Variants in SIGLEC1 observed in about 807,000 individuals in gnomAD.
SIGLEC1 encodes the protein sialoadhesin.
In SIGLEC1, 132 loss-of-function variants were observed where a neutral mutation model predicts 148.0. That is an observed-to-expected ratio of 0.89 (90% CI 0.77 to 1.03). The LOEUF (loss-of-function observed/expected upper bound fraction) is 1.03. SIGLEC1 is among the 50% of genes least tolerant of loss of function. The pLI is 0.00. For synonymous variants in SIGLEC1, 945 were observed against 969.0 expected (o/e 0.98, Z 0.46); for missense variants, 2,253 against 2,271.4 (o/e 0.99, Z 0.16).
In SIGLEC1 at chr20:3,692,759, G is replaced by A; in HGVS notation, c.3792C>T (p.Ile1264=). 6.2e-7 allele frequency: 1 copy of A among 1,610,636 alleles called. No individual in the cohort carries two copies. Among genetic ancestry groups the A allele is most frequent in the South Asian group, 1.1e-5 (1 of 91,036 alleles). Residue 1264 remains isoleucine (I), a synonymous_variant, in exon 16 of 22, where the codon ATC becomes ATT. Transcript: ENST00000344754. ...LELRLEGVRV[I]LAPEAAVPEG... ...CAGGCACGGCAGCCTCCGGAGCCAG[G>A]ATCACCCGCACACCTGTGCCAAGGA...
intron 17 of SIGLEC1, 86 bp from the exon 18 acceptor site, chr20:3,691,686 C>T: frequency 1.3e-6 from 2 of 1,514,482 alleles, no homozygotes; most frequent in South Asian, 2.5e-5. Context: ...GGGGCCTCTG[C>T]ACATTGTGGG....
chr20:3,689,725 G>C (rs758663506), intron 19 of SIGLEC1, 23 bp from the exon 20 acceptor site: 8 of 1,548,400 alleles, frequency 5.2e-6, no homozygotes, highest in Non-Finnish European at 6.1e-6. Flanking sequence ...GCGGGACTCA[G>C]AGCAGCCACA....
chr20:3,705,088 C>T (rs540426960), intron 4 of SIGLEC1, among the ~76,000 whole-genome samples: 1 of 152,334 alleles, frequency 6.6e-6, no homozygotes, highest in African/African-American at 2.4e-5. Context: ...ACTCCACCCC[C>T]GGGGTTCAAG....
intron 19 of SIGLEC1, 87 bp downstream of exon 19, chr20:3,689,875 A>G: frequency 8.0e-7 from 1 of 1,251,310 alleles, no homozygotes; most frequent in East Asian, 2.5e-5. Flanking sequence ...ATGCTGCAGC[A>G]GGAGGGATAC....
At position 3,696,788 on chromosome 20, in the gene SIGLEC1, C is replaced by T. The variant is rs2087804682; in HGVS notation, c.2481G>A (p.Leu827=). Residue 827 remains leucine, a synonymous_variant, in exon 11 of 22, where the codon CTG becomes CTA. Transcript: ENST00000344754. ...CTVDSRPLAL[L]ALFHGEHLLA... Reference sequence around the variant, plus strand: ...GGAGGTGCTCCCCATGGAACAAGGCCAGCAAGGCCAGGGGGCGGCTGTCCA... The same window carrying T: ...GGAGGTGCTCCCCATGGAACAAGGCTAGCAAGGCCAGGGGGCGGCTGTCCA... The T allele has an allele frequency of 6.2e-7, 1 of 1,612,644 alleles. No individual in the cohort carries two copies. Among genetic ancestry groups the T allele is most frequent in the Non-Finnish European group, 8.5e-7 (1 of 1,179,604 alleles).
rs2087867012 is a variant in SIGLEC1 at position 3,703,351 on chromosome 20, G to A, written c.1074C>T (p.Tyr358=). Residue 358 remains tyrosine, a synonymous_variant, in exon 6 of 22, where the codon TAC becomes TAT. Coordinates refer to ENST00000344754, the MANE Select transcript of SIGLEC1 (RefSeq NM_023068.4). ...GCAGGACATGGTTCTTGTACCAGCT[G>A]TAGCGGAGATCACTGGGTGCCTCAT... The part of the protein sequence containing the change: ...TPNEAPSDLR[Y]SWYKNHVLLE... The A allele has an allele frequency of 2.5e-6, 4 of 1,613,888 alleles. No individual in the cohort carries two copies. In the South Asian group the frequency reaches 3.3e-5, roughly 13 times the overall value.
rs779200878 is a variant in SIGLEC1, at chr20:3,694,741, C to T, written c.2866G>A (p.Gly956Arg). 1 of 1,613,718 alleles carries T rather than the reference C, an allele frequency of 6.2e-7. No homozygotes were observed. Among genetic ancestry groups the T allele is most frequent in the African/African-American group, 1.3e-5 (1 of 74,920 alleles). ...GCCTGGGCTTGGCAATGATAGGCCCCAGCTTGTGTCAAAGTTATGGCTGCA... is the reference window on the plus strand; with the variant it reads ...GCCTGGGCTTGGCAATGATAGGCCCTAGCTTGTGTCAAAGTTATGGCTGCA... ...RFAAITLTQA[G>R]AYHCQAQAPG... Residue 956 changes from glycine (G) to arginine (R), a missense_variant, in exon 12 of 22, where the codon GGG (glycine) becomes AGG (arginine). Transcript: ENST00000344754.
In SIGLEC1 at chr20:3,701,367, G is replaced by C. The variant is rs776942809; in HGVS notation, c.1503C>G (p.Thr501=). 1 of 1,613,352 alleles carries C rather than the reference G, an allele frequency of 6.2e-7. No homozygotes were observed. Among genetic ancestry groups the C allele is most frequent in the East Asian group, 2.2e-5 (1 of 44,876 alleles). ...CATTGGCATGGAAGTCCAGGGTGGA[G>C]GTTGCATTTCCAAGGGAGTTGGTGG... ...CSATNSLGNA[T]STLDFHANAA... The change falls in exon 7 of 22, where the codon ACC becomes ACG. Residue 501 remains threonine, a synonymous_variant. Transcript: ENST00000344754.
rs927826982 is a variant in SIGLEC1, at chr20:3,710,572, C to T, written c.-110+1898G>A. 6.6e-6 allele frequency among the ~76,000 whole-genome samples: 1 copy of T among 152,162 alleles called. No homozygotes were observed. Among genetic ancestry groups the T allele is most frequent in the African/African-American group, 2.4e-5 (1 of 41,440 alleles). ...GGGCCCTGGGACCTGGACACCTCAC[C>T]GTGAAGAAAAGCAGCCTGCTGGGCA... On this transcript the variant is annotated intron_variant, in intron 1 of 21. Transcript: ENST00000344754. The surrounding 1 kb of genome is among the most constrained non-coding windows in gnomAD (Gnocchi z 4.6).
In SIGLEC1 at chr20:3,688,223, A is replaced by T. The variant is rs2033336184; in HGVS notation, c.*337T>A. 2.7e-6 allele frequency: 1 copy of T among 365,010 alleles called. No individual in the cohort carries two copies. The highest frequency in any genetic ancestry group is 5.2e-6 in the Non-Finnish European group (1 of 191,272). The allele number at this position is 365,010 out of a possible 1,614,324, so 22.6% of individuals were successfully genotyped here. ...TGAGGATGCAGGATGCTGCAATCCA[A>T]CCAAAGTCCAGGGTGACTTTCGAGG... is the stretch of plus-strand genomic sequence containing the variant. On this transcript the variant is annotated 3_prime_UTR_variant, in exon 22 of 22. Coordinates refer to ENST00000344754, the MANE Select transcript of SIGLEC1 (RefSeq NM_023068.4).
At chr20:3,702,178 C>T (rs369248993) in intron 6 of SIGLEC1, among the ~76,000 whole-genome samples, 33 of 152,096 alleles carry the variant, frequency 2.2e-4, no homozygotes, top group Non-Finnish European at 3.8e-4. Flanking sequence ...AGAGACGCAA[C>T]GACCCAATGC....
Position 3,706,642 on chromosome 20 carries a change from A to G in SIGLEC1, c.114T>C (p.Leu38=). The G allele has an allele frequency of 6.3e-7, 1 of 1,579,496 alleles. No homozygotes were observed. Among genetic ancestry groups the G allele is most frequent in the Non-Finnish European group, 8.6e-7 (1 of 1,163,162 alleles). The part of the protein sequence containing the change: ...DVQGVKGSCL[L]IPCIFSFPAD... ...CAGGGAAGCTGAAGATGCAGGGGAT[A>G]AGCAGGCAAGACCCCTTCACACCCT... Residue 38 remains leucine (L), a synonymous_variant, in exon 3 of 22, where the codon CTT becomes CTC. Transcript: ENST00000344754.
In SIGLEC1 at chr20:3,699,361, A is replaced by G. The variant is rs755569520; in HGVS notation, c.1627T>C (p.Phe543Leu). The change falls in exon 8 of 22, where the codon TTC becomes CTC. Residue 543 changes from phenylalanine (F) to leucine (L), a missense_variant. Physicochemically the swap from Phe to Leu is conservative, Grantham distance 22. Coordinates refer to ENST00000344754, the MANE Select transcript of SIGLEC1 (RefSeq NM_023068.4). ...SGLSPTPDAR[F>L]SWYLNGALLH... ...AGGGCTCCATTCAGGTACCAGGAGA[A>G]GCGGGCATCAGGTGTGGGGCTTAGG... The G allele has an allele frequency of 5.0e-6, 8 of 1,608,872 alleles. No homozygotes were observed. The highest frequency in any genetic ancestry group is 4.5e-5 in the East Asian group (2 of 44,650).
chr20:3,700,533 A>C (rs1228166664), intron 7 of SIGLEC1, among the ~76,000 whole-genome samples: 1 of 151,924 alleles, frequency 6.6e-6, no homozygotes, highest in East Asian at 1.9e-4. Flanking sequence ...GCAGTGAGCC[A>C]TGAACATACC....
At chr20:3,690,294 C>T in intron 18 of SIGLEC1, 30 bp from the exon 19 acceptor site, 1 of 1,502,864 alleles carries the variant, frequency 6.7e-7, no homozygotes, top group Non-Finnish European at 8.9e-7. Flanking sequence ...GTGGTGATTG[C>T]AGACAATGAC....
intron 11 of SIGLEC1, among the ~76,000 whole-genome samples, chr20:3,696,135 C>T (rs532102228): frequency 0.012 from 1,607 of 137,986 alleles, 32 homozygotes; most frequent in African/African-American, 0.049. Flanking sequence ...TATATACACA[C>T]ACACAAACAC....
In SIGLEC1 at chr20:3,699,453, C is replaced by T. The variant is rs753206405; in HGVS notation, c.1535G>A (p.Arg512His). The T allele has an allele frequency of 1.5e-5, 24 of 1,607,294 alleles. No homozygotes were observed. The Middle Eastern group carries it at 4.9e-4, about 33-fold the overall frequency. The part of the protein sequence containing the change: ...STLDFHANAA[R>H]LLISPAAEVV... ...CTCGGCTGCCGGGCTGATGAGGAGA[C>T]GGGCGGCTGCGGGGAGAGGAAGAGG... Residue 512 changes from arginine to histidine, a missense_variant, in exon 8 of 22, where the codon CGT becomes CAT. Coordinates refer to ENST00000344754, the MANE Select transcript of SIGLEC1 (RefSeq NM_023068.4).
intron 11 of SIGLEC1, 60 bp from the exon 12 acceptor site, chr20:3,694,983 C>A: frequency 6.5e-7 from 1 of 1,535,988 alleles, no homozygotes; most frequent in Non-Finnish European, 8.8e-7. Context: ...CAGTCTGGGA[C>A]CATGTGCGTG....
At chr20:3,690,364 G>T in intron 18 of SIGLEC1, 100 bp from the exon 19 acceptor site, 1 of 939,766 alleles carries the variant, frequency 1.1e-6, no homozygotes, top group Non-Finnish European at 1.6e-6. Flanking sequence ...CCCATTAAGA[G>T]GCAGAACCTA....
Sources: gnomAD v4.1 joint callset for allele counts (sites outside exome capture counted in the v4.1 genomes callset) on GRCh38, gnomAD v4.1.1 for gene constraint, Gnocchi (gnomAD v3.1) non-coding constraint, MANE v1.5 for transcripts, NCBI Gene and HGNC (gene_info 2026-07-23, HGNC 2026-07-21) for gene names.